Variants in NCKAP1 observed in about 807,000 individuals in gnomAD.
NCKAP1 encodes the protein nck-associated protein 1.
NCKAP1 carries 21 observed loss-of-function variants against 151.2 expected under a neutral mutation model. That is an observed-to-expected ratio of 0.14 (90% CI 0.10 to 0.20). The LOEUF (loss-of-function observed/expected upper bound fraction) is 0.20, where lower values mean the gene tolerates loss of function less well. Ranked by LOEUF, NCKAP1 falls within the 10% of genes least tolerant of loss-of-function variation. The pLI is 1.00. For missense variants in NCKAP1, 933 were observed against 1,352.1 expected, an observed-to-expected ratio of 0.69 and a Z score of 4.86; for synonymous variants, 484 against 451.8, an observed-to-expected ratio of 1.07 and a Z score of -0.90.
At chr2:182,992,352 T>C (rs1575052502) in intron 8 of NCKAP1, among the ~76,000 whole-genome samples, 1 of 152,218 alleles carries the variant, frequency 6.6e-6, no homozygotes, top group Non-Finnish European at 1.5e-5. Flanking sequence ...CAAATCTGCC[T>C]TCTCCATGCC....
chr2:183,020,514 A>C (rs1199157112), intron 2 of NCKAP1, among the ~76,000 whole-genome samples: 1 of 151,512 alleles, frequency 6.6e-6, no homozygotes, highest in Non-Finnish European at 1.5e-5. Flanking sequence ...TTGCATTTTC[A>C]CCAGAAATCT....
rs61742340 is a variant in NCKAP1 at position 182,982,832 on chromosome 2, G to A, written c.1197C>T (p.Asp399=). The A allele has an allele frequency of 2.2e-4, 353 of 1,589,804 alleles. 2 individuals carry two copies. The highest frequency in any genetic ancestry group is 2.9e-5 in the Non-Finnish European group (34 of 1,170,228). Residue 399 remains aspartate, a synonymous_variant, in exon 12 of 31, where the codon GAC becomes GAT. Transcript: ENST00000361354. The part of the protein sequence containing the change: ...ADNMPKKSAD[D]FIDKHIAELI... Reference sequence around the variant, plus strand: ...TGTTGCTAACTTACTTATCTATAAAGTCGTCTGCACTCTTCTTTGGCATGT... The same window carrying A: ...TGTTGCTAACTTACTTATCTATAAAATCGTCTGCACTCTTCTTTGGCATGT...
At position 182,967,372 on chromosome 2, in the gene NCKAP1, C is replaced by T. The variant is rs758476000; in HGVS notation, c.1483-11G>A. The T allele has an allele frequency of 6.8e-6, 9 of 1,323,960 alleles. No individual in the cohort carries two copies. In the African/African-American group the frequency reaches 1.1e-4, roughly 17 times the overall value. The allele number at this position is 1,323,960 out of a possible 1,614,324, so 82.0% of individuals were successfully genotyped here. ...GACACTAGTATATGCCTATAAAGTA[C>T]AAAAAAAAAAAAGTAGTTCAGGTAA... On this transcript the variant is annotated splice_polypyrimidine_tract_variant and intron_variant, in intron 15 of 30. Coordinates refer to ENST00000361354, the MANE Select transcript of NCKAP1 (RefSeq NM_013436.5).
intron 2 of NCKAP1, among the ~76,000 whole-genome samples, chr2:183,005,974 A>G (rs1698463403): frequency 6.6e-6 from 1 of 152,208 alleles, no homozygotes; most frequent in Non-Finnish European, 1.5e-5. Context: ...CTAAACATGT[A>G]TAATGTCTAA....
At chr2:182,966,962 C>T (rs1697584256) in intron 16 of NCKAP1, among the ~76,000 whole-genome samples, 1 of 152,078 alleles carries the variant, frequency 6.6e-6, no homozygotes, top group African/African-American at 2.4e-5. Flanking sequence ...CTGTTTTCAA[C>T]TCCTCAAAAA....
intron 1 of NCKAP1, among the ~76,000 whole-genome samples, chr2:183,031,840 A>G (rs532834767): frequency 6.6e-6 from 1 of 152,366 alleles, no homozygotes; most frequent in Non-Finnish European, 1.5e-5. Context: ...AAGCCAAAAA[A>G]TACAGCTTGA....
intron 6 of NCKAP1, 66 bp from the exon 7 acceptor site, chr2:182,995,904 A>G (rs1476855123): frequency 3.0e-6 from 4 of 1,339,836 alleles, no homozygotes; most frequent in East Asian, 2.4e-5. Flanking sequence ...CATTGCAGCT[A>G]TAATTGCTGT....
chr2:182,924,045 A>C lies in NCKAP1; in HGVS notation c.*1657T>G, dbSNP rs900782442. On this transcript the variant is annotated 3_prime_UTR_variant, in exon 31 of 31. Coordinates refer to ENST00000361354, the MANE Select transcript of NCKAP1 (RefSeq NM_013436.5). ...CTCTCTAAGATCCTAATATTTCAAAACAAACGGCATTAAATCTTAGTTTTG... is the reference window on the plus strand; with the variant it reads ...CTCTCTAAGATCCTAATATTTCAAACCAAACGGCATTAAATCTTAGTTTTG... The C allele has an allele frequency of 5.9e-5, 9 of 152,202 alleles. No individual in the cohort carries two copies. The South Asian group carries it at 6.2e-4, about 10-fold the overall frequency. The allele number at this position is 152,202 out of a possible 1,614,324, so 9.4% of individuals were successfully genotyped here. A position where few individuals can be genotyped will look rare whatever the true frequency, so the allele number is the denominator to read the frequency against.
chr2:182,959,296 A>G (rs1697390554), intron 18 of NCKAP1, among the ~76,000 whole-genome samples: 1 of 152,182 alleles, frequency 6.6e-6, no homozygotes, highest in Non-Finnish European at 1.5e-5. Context: ...TTGAATCTCT[A>G]TAACACTCTT....
chr2:183,023,522 G>C (rs1246640677), intron 2 of NCKAP1, among the ~76,000 whole-genome samples: 4 of 151,992 alleles, frequency 2.6e-5, no homozygotes, highest in Non-Finnish European at 5.9e-5. Flanking sequence ...ACAAGAATTT[G>C]GAATATATAC....
chr2:182,986,189 T>C lies in NCKAP1; in HGVS notation c.986A>G (p.Glu329Gly). Residue 329 changes from glutamate to glycine, a missense_variant, in exon 10 of 31, where the codon GAG becomes GGG. By Grantham distance (98) the Glu-to-Gly change is moderately conservative. Around this residue, in one of 2 missense-constraint regions of NCKAP1, gnomAD observed 607 missense variants for 795.0 expected, o/e 0.76. Coordinates refer to ENST00000361354, the MANE Select transcript of NCKAP1 (RefSeq NM_013436.5). ...TACTCACGCATGTGACACGGCTGCC[T>C]CCTTGCATTCTCTTATGTCATTAAT... is the stretch of plus-strand genomic sequence containing the variant. ...KRINDIRECK[E>G]AAVSHAGSMH... 1 of 1,613,814 alleles carries C rather than the reference T, an allele frequency of 6.2e-7. No homozygotes were observed. Among genetic ancestry groups the C allele is most frequent in the Non-Finnish European group, 8.5e-7 (1 of 1,179,790 alleles).
rs889801410 is a variant in NCKAP1, at chr2:182,914,446, T to C, written c.*11256A>G. ...TTTCTTTAACTTTCCTACTCAAGCATTGTTTTTAAATGAAAACTAACTCAG... is the reference window on the plus strand; with the variant it reads ...TTTCTTTAACTTTCCTACTCAAGCACTGTTTTTAAATGAAAACTAACTCAG... On this transcript the variant is annotated 3_prime_UTR_variant, in exon 31 of 31. Transcript: ENST00000361354. The C allele has an allele frequency of 6.6e-6, 1 of 151,636 alleles. No individual in the cohort carries two copies. The highest frequency in any genetic ancestry group is 2.4e-5 in the African/African-American group (1 of 41,232). The allele number at this position is 151,636 out of a possible 1,614,324, so 9.4% of individuals were successfully genotyped here.
chr2:183,018,161 C>T (rs182763707), intron 2 of NCKAP1, among the ~76,000 whole-genome samples: 3 of 152,112 alleles, frequency 2.0e-5, no homozygotes, highest in Non-Finnish European at 2.9e-5. Context: ...GCAGGAGAAT[C>T]GCTTGAATTC....
chr2:182,989,584 T>C (rs1169652739), intron 8 of NCKAP1, among the ~76,000 whole-genome samples: 2 of 152,240 alleles, frequency 1.3e-5, no homozygotes, highest in African/African-American at 2.4e-5. Context: ...CTGTGGCTTA[T>C]GCCTTTAATC....
chr2:182,991,757 T>G (rs1185869156), intron 8 of NCKAP1, among the ~76,000 whole-genome samples: 1 of 151,562 alleles, frequency 6.6e-6, no homozygotes, highest in Non-Finnish European at 1.5e-5. Flanking sequence ...CAGATAAAAT[T>G]GGACTATCAA....
At chr2:183,009,777 T>C (rs2105882844) in intron 2 of NCKAP1, among the ~76,000 whole-genome samples, 1 of 152,298 alleles carries the variant, frequency 6.6e-6, no homozygotes, top group Middle Eastern at 3.4e-3. Flanking sequence ...AGTCCTCATT[T>C]TCCAGATACA....
In NCKAP1 at chr2:182,911,769, T is replaced by C. The variant is rs1231149096; in HGVS notation, c.*13933A>G. On this transcript the variant is annotated 3_prime_UTR_variant, in exon 31 of 31. Coordinates refer to ENST00000361354, the MANE Select transcript of NCKAP1 (RefSeq NM_013436.5). ...AAAAAAACAAAACAAACAGAACCGCTTTTGGAGAAACTTGCCCTTATATAC... is the reference window on the plus strand; with the variant it reads ...AAAAAAACAAAACAAACAGAACCGCCTTTGGAGAAACTTGCCCTTATATAC... 1 of 152,158 alleles carries C rather than the reference T, an allele frequency of 6.6e-6. No homozygotes were observed. Among genetic ancestry groups the C allele is most frequent in the Non-Finnish European group, 1.5e-5 (1 of 68,032 alleles). 9.4% of individuals were successfully genotyped at this position (152,158 alleles called of 1,614,324 possible).
At chr2:183,028,989 C>T (rs1396916656) in intron 1 of NCKAP1, among the ~76,000 whole-genome samples, 2 of 150,920 alleles carry the variant, frequency 1.3e-5, no homozygotes, top group African/African-American at 2.4e-5. Context: ...TATGGTCTGG[C>T]GCCTGTAATC....
chr2:183,017,873 A>AT (rs1698723734), intron 2 of NCKAP1, among the ~76,000 whole-genome samples: 1 of 152,210 alleles, frequency 6.6e-6, no homozygotes, highest in African/African-American at 2.4e-5. Context: ...TTCAAGAGCA[A>AT]TTTGTCACAC....
Sources: allele counts gnomAD v4.1 joint callset (sites outside exome capture counted in the v4.1 genomes callset), GRCh38; gene constraint gnomAD v4.1.1; regional missense constraint gnomAD v4.1.1; transcripts MANE v1.5; gene names NCBI Gene and HGNC (gene_info 2026-07-23, HGNC 2026-07-21).